GLDC: variants seen among roughly 807,000 people sequenced by gnomAD.
GLDC encodes glycine dehydrogenase (decarboxylating), mitochondrial.
A neutral mutation model predicts 121.3 loss-of-function variants in GLDC; 104 were observed. That is an observed-to-expected ratio of 0.86 (90% CI 0.73 to 1.01). The LOEUF is 1.01. GLDC is among the 50% of genes least tolerant of loss of function. GLDC has a pLI of 0.00. For synonymous variants in GLDC, 546 were observed against 480.6 expected, an observed-to-expected ratio of 1.14 and a Z score of -1.78; for missense variants, 1,429 against 1,306.6, an observed-to-expected ratio of 1.09 and a Z score of -1.44.
intron 2 of GLDC, among the ~76,000 whole-genome samples, chr9:6,636,246 G>C (rs570015128): frequency 6.6e-6 from 1 of 151,860 alleles, no homozygotes; most frequent in East Asian, 1.9e-4. Context: ...GGAGGTTGCA[G>C]TGATCTGAGA....
chr9:6,550,770 C>T lies in GLDC; in HGVS notation c.2569+33G>A, dbSNP rs759081204. 1.4e-5 allele frequency: 20 copies of T among 1,449,654 alleles called. 2 individuals are homozygous for T. The South Asian group carries it at 2.2e-4, about 16-fold the overall frequency. The allele number at this position is 1,449,654 out of a possible 1,614,324, so 89.8% of individuals were successfully genotyped here. A position where few individuals can be genotyped will look rare whatever the true frequency, so the allele number is the denominator to read the frequency against. ...AAACTTAGTTTGGCCAAGAAAAAAA[C>T]CAAAGTAATGATAGATTAAAGTTGA... is the stretch of plus-strand genomic sequence containing the variant. On this transcript the variant is annotated intron_variant, in intron 21 of 24. Coordinates refer to ENST00000321612, the MANE Select transcript of GLDC (RefSeq NM_000170.3).
rs1460009052 is a variant in GLDC at position 6,536,246 on chromosome 9, G to C, written c.2666-10C>G. 1.2e-6 allele frequency: 2 copies of C among 1,612,066 alleles called. No homozygotes were observed. Among genetic ancestry groups the C allele is most frequent in the South Asian group, 2.2e-5 (2 of 90,618 alleles). ...GTAGGGGCGTGAAATCCTGCAAAGG[G>C]AGACAGGAGAACTTGCCTCACTGAA... On this transcript the variant is annotated splice_polypyrimidine_tract_variant and intron_variant, in intron 22 of 24. Transcript: ENST00000321612.
intron 3 of GLDC, among the ~76,000 whole-genome samples, chr9:6,613,517 G>A (rs1818903840): frequency 6.6e-6 from 1 of 152,072 alleles, no homozygotes; most frequent in Admixed American, 6.6e-5. Context: ...ATTATTCCAT[G>A]AACAATGTCT....
At position 6,608,727 on chromosome 9, in the gene GLDC, A is replaced by C. The variant is rs532050201; in HGVS notation, c.635+1465T>G. Among the ~76,000 whole-genome samples, 8 of 152,196 alleles carry C rather than the reference A, an allele frequency of 5.3e-5. No individual in the cohort carries two copies. The East Asian group carries it at 7.7e-4, about 15-fold the overall frequency. ...CGCCACTGTACTCCAGCCCGGGCGA[A>C]AGAGCGAGACTCCGTCTCAAATAAA... is the stretch of plus-strand genomic sequence containing the variant. On this transcript the variant is annotated intron_variant, in intron 4 of 24. Coordinates refer to ENST00000321612, the MANE Select transcript of GLDC (RefSeq NM_000170.3).
chr9:6,566,106 G>A (rs973532554), intron 15 of GLDC, among the ~76,000 whole-genome samples: 1 of 152,146 alleles, frequency 6.6e-6, no homozygotes, highest in African/African-American at 2.4e-5. Flanking sequence ...AGCCTGGTGT[G>A]ATAGCATGCA....
At chr9:6,535,308 T>C (rs918698694) in intron 23 of GLDC, among the ~76,000 whole-genome samples, 7 of 151,684 alleles carry the variant, frequency 4.6e-5, no homozygotes, top group Admixed American at 6.6e-5. Flanking sequence ...AAGAAGCAGG[T>C]GTCTTCAGAG....
chr9:6,611,283 G>T (rs950100931), intron 3 of GLDC, among the ~76,000 whole-genome samples: 7 of 152,220 alleles, frequency 4.6e-5, no homozygotes, highest in African/African-American at 1.4e-4. Flanking sequence ...CATCCTTACA[G>T]GCGAGAGCTA....
chr9:6,587,359 CGAT>C, intron 14 of GLDC, 76 bp from the exon 15 acceptor site: 1 of 1,127,854 alleles, frequency 8.9e-7, no homozygotes, highest in Non-Finnish European at 1.3e-6. Context: ...ATAATAATGA[CGAT>C]GATGAGAAAA....
intron 21 of GLDC, chr9:6,541,766 G>C (rs2129669941): frequency 7.5e-6 from 1 of 133,414 alleles, no homozygotes; most frequent in East Asian, 2.2e-4. Context: ...GGTGGTGGTT[G>C]CAGTGAGCCG....
At chr9:6,540,174 G>T in intron 21 of GLDC, 28 bp from the exon 22 acceptor site, 1 of 1,322,016 alleles carries the variant, frequency 7.6e-7, no homozygotes, top group Non-Finnish European at 1.1e-6. Flanking sequence ...TTCAGCCCAA[G>T]ATTAGCATCA....
intron 5 of GLDC, among the ~76,000 whole-genome samples, chr9:6,606,342 A>G (rs945674078): frequency 6.6e-6 from 1 of 151,778 alleles, no homozygotes; most frequent in Non-Finnish European, 1.5e-5. Flanking sequence ...AGAAGAAGAA[A>G]ACAAAACACA....
intron 10 of GLDC, 131 bp from the exon 11 acceptor site, chr9:6,592,354 T>C: frequency 1.4e-6 from 1 of 715,086 alleles, no homozygotes; most frequent in East Asian, 2.7e-5. Flanking sequence ...GGTACAATTA[T>C]CTCCACGCTA....
At chr9:6,602,005 C>A (rs2129884744) in intron 8 of GLDC, 104 bp downstream of exon 8, 1 of 779,068 alleles carries the variant, frequency 1.3e-6, no homozygotes. Flanking sequence ...GGTGTGCTCA[C>A]TGCTCAGGAG....
At chr9:6,556,975 G>A (rs1439067728) in intron 17 of GLDC, among the ~76,000 whole-genome samples, 1 of 152,064 alleles carries the variant, frequency 6.6e-6, no homozygotes, top group Non-Finnish European at 1.5e-5. Context: ...GGTTCTAGGT[G>A]CGTCCATTCT....
intron 15 of GLDC, among the ~76,000 whole-genome samples, chr9:6,585,848 G>A (rs1320298715): frequency 1.9e-5 from 2 of 107,970 alleles, no homozygotes; most frequent in East Asian, 2.0e-4. Flanking sequence ...ATGTATGTAT[G>A]TATGTATGTA....
chr9:6,553,292 G>A (rs1255326557), intron 20 of GLDC, 76 bp downstream of exon 20: 1 of 1,283,330 alleles, frequency 7.8e-7, no homozygotes, highest in Non-Finnish European at 1.1e-6. Flanking sequence ...AAGCCAAGAA[G>A]TCTGCAGTAT....
chr9:6,644,119 A>G (rs993852640), intron 2 of GLDC, among the ~76,000 whole-genome samples: 1 of 151,530 alleles, frequency 6.6e-6, no homozygotes, highest in African/African-American at 2.4e-5. Context: ...TCAGTTGGTA[A>G]ATAATAAAAT....
At chr9:6,574,757 G>C (rs1818031333) in intron 15 of GLDC, among the ~76,000 whole-genome samples, 1 of 151,964 alleles carries the variant, frequency 6.6e-6, no homozygotes, top group Non-Finnish European at 1.5e-5. Flanking sequence ...AGGGCTTACA[G>C]GTCTCTCATA....
intron 7 of GLDC, among the ~76,000 whole-genome samples, chr9:6,603,681 A>T (rs934742605): frequency 6.6e-6 from 1 of 151,844 alleles, no homozygotes; most frequent in Non-Finnish European, 1.5e-5. Context: ...AAATTTCCCC[A>T]GTAATAATCC....
Sources: allele counts gnomAD v4.1 joint callset (sites outside exome capture counted in the v4.1 genomes callset), GRCh38; gene constraint gnomAD v4.1.1; transcripts MANE v1.5; gene names NCBI Gene and HGNC (gene_info 2026-07-23, HGNC 2026-07-21).